Variants in TIGAR observed in about 807,000 individuals in gnomAD.
TIGAR encodes the protein TP53 induced glycolysis regulatory phosphatase, also known as fructose-2,6-bisphosphatase TIGAR.
Under a neutral mutation model 17.9 loss-of-function variants are expected in TIGAR, and 7 were observed. The observed-to-expected ratio is 0.39, with a 90% confidence interval of 0.22 to 0.73. TIGAR has a LOEUF of 0.73. Ranked by LOEUF, TIGAR falls within the 30% of genes least tolerant of loss-of-function variation. The pLI is 0.42. For missense variants in TIGAR, 258 were observed against 327.4 expected (o/e 0.79, Z 1.64); for synonymous variants, 94 against 108.6 (o/e 0.87, Z 0.84).
intron 5 of TIGAR, 33 bp from the exon 6 acceptor site, chr12:4,352,227 A>T: frequency 6.4e-7 from 1 of 1,569,660 alleles, no homozygotes; most frequent in South Asian, 1.1e-5. Flanking sequence ...CATTAATGTC[A>T]CTTTATTTTG....
rs115120802 is a variant in TIGAR, at chr12:4,326,493, T to A, written c.33-4787T>A. Among the ~76,000 whole-genome samples, 212 of 152,350 alleles carry A rather than the reference T, an allele frequency of 1.4e-3. 1 individual carries two copies. The highest frequency in any genetic ancestry group is 4.5e-3 in the African/African-American group (187 of 41,584). On this transcript the variant is annotated intron_variant, in intron 1 of 5. Transcript: ENST00000179259. ...CTATTTTTGGATTCCTACTCTTTAA[T>A]ATTTATAAAGTGATTTGAACGCAAA... is the stretch of plus-strand genomic sequence containing the variant.
rs555915029 is a variant in TIGAR at position 4,325,672 on chromosome 12, G to A, written c.32+4369G>A. Reference sequence around the variant, plus strand: ...CAGGAGAATCTCTTGAACCCGGGAGGTAGAGGTTGCAGTGAGCCCAGATTG... The same window carrying A: ...CAGGAGAATCTCTTGAACCCGGGAGATAGAGGTTGCAGTGAGCCCAGATTG... On this transcript the variant is annotated intron_variant, in intron 1 of 5. Transcript: ENST00000179259. Among the ~76,000 whole-genome samples, 8 of 150,570 alleles carry A rather than the reference G, an allele frequency of 5.3e-5. No homozygotes were observed. The East Asian group carries it at 1.6e-3, about 30-fold the overall frequency.
At chr12:4,325,799 T>C (rs561110678) in intron 1 of TIGAR, among the ~76,000 whole-genome samples, 1 of 150,848 alleles carries the variant, frequency 6.6e-6, no homozygotes, top group African/African-American at 2.4e-5. Context: ...GCTCTTGAAA[T>C]CTTCTATATT....
chr12:4,354,864 T>C lies in TIGAR; in HGVS notation c.*2173T>C, dbSNP rs1327528755. Among the ~76,000 whole-genome samples, 1 of 151,124 alleles carries C rather than the reference T, an allele frequency of 6.6e-6. No individual in the cohort carries two copies. The highest frequency in any genetic ancestry group is 1.5e-5 in the Non-Finnish European group (1 of 67,860). On this transcript the variant is annotated 3_prime_UTR_variant, in exon 6 of 6. Coordinates refer to ENST00000179259, the MANE Select transcript of TIGAR (RefSeq NM_020375.3). ...CTTGTGCCTCAGCCTCCTGAGTAGCTGGGACTACAGGCATGCACCACCACG... is the reference window on the plus strand; with the variant it reads ...CTTGTGCCTCAGCCTCCTGAGTAGCCGGGACTACAGGCATGCACCACCACG...
At chr12:4,323,369 C>G (rs975324965) in intron 1 of TIGAR, among the ~76,000 whole-genome samples, 2 of 152,152 alleles carry the variant, frequency 1.3e-5, no homozygotes, top group Non-Finnish European at 2.9e-5. Flanking sequence ...TCCTAATAGA[C>G]AATAGTCATA....
At chr12:4,336,156 C>T (rs1864655655) in intron 2 of TIGAR, among the ~76,000 whole-genome samples, 1 of 152,180 alleles carries the variant, frequency 6.6e-6, no homozygotes, top group African/African-American at 2.4e-5. Context: ...ACCTGTTAGC[C>T]TCTTTTGAGA....
chr12:4,343,920 C>CA (rs1864752013), intron 3 of TIGAR, among the ~76,000 whole-genome samples: 2 of 151,786 alleles, frequency 1.3e-5, no homozygotes, highest in South Asian at 4.2e-4. Context: ...AAAACCCTTC[C>CA]AAAAATCAAT....
At chr12:4,336,702 G>C (rs1049966493) in intron 2 of TIGAR, among the ~76,000 whole-genome samples, 1 of 152,054 alleles carries the variant, frequency 6.6e-6, no homozygotes, top group Admixed American at 6.6e-5. Context: ...TTTAGATGAT[G>C]GTCCTACCGC....
At chr12:4,330,366 C>G (rs1232250978) in intron 1 of TIGAR, among the ~76,000 whole-genome samples, 2 of 152,154 alleles carry the variant, frequency 1.3e-5, no homozygotes, top group East Asian at 3.8e-4. Flanking sequence ...GGGTGGTACA[C>G]CACACTACAG....
chr12:4,347,057 A>C (rs1864788953), intron 3 of TIGAR, among the ~76,000 whole-genome samples: 1 of 152,216 alleles, frequency 6.6e-6, no homozygotes, highest in African/African-American at 2.4e-5. Flanking sequence ...CTAGGTATGT[A>C]CCCAAAGAAA....
At chr12:4,325,762 AAGAC>A (rs1177082724) in intron 1 of TIGAR, among the ~76,000 whole-genome samples, 3 of 151,682 alleles carry the variant, frequency 2.0e-5, no homozygotes, top group Non-Finnish European at 4.4e-5. Flanking sequence ...AAAAAAAAGA[AAGAC>A]CACCAAAAGT....
Position 4,321,778 on chromosome 12 carries a change from C to G in TIGAR, c.32+475C>G, listed in dbSNP as rs1055521472. 1.3e-5 allele frequency among the ~76,000 whole-genome samples: 2 copies of G among 152,184 alleles called. No individual in the cohort carries two copies. Among genetic ancestry groups the G allele is most frequent in the Non-Finnish European group, 2.9e-5 (2 of 68,030 alleles). ...TCGTTTCCCCAGGCAGTCAGCCCCC[C>G]AGGCACATATATGAGACTTCTTTCT... On this transcript the variant is annotated intron_variant, in intron 1 of 5. Transcript: ENST00000179259. This position sits in a 1 kb window ranked among gnomAD's most constrained non-coding sequence, Gnocchi z 5.2.
At chr12:4,348,770 C>T (rs1864807504) in intron 3 of TIGAR, among the ~76,000 whole-genome samples, 1 of 152,116 alleles carries the variant, frequency 6.6e-6, no homozygotes, top group Non-Finnish European at 1.5e-5. Flanking sequence ...AAAGGCAGAT[C>T]ATGGACCTAA....
rs777599747 is a variant in TIGAR, at chr12:4,351,357, G to A, written c.361G>A (p.Gly121Arg). 30 of 1,614,012 alleles carry A rather than the reference G, an allele frequency of 1.9e-5. 1 individual carries two copies. Among genetic ancestry groups the A allele is most frequent in the Non-Finnish European group, 2.4e-5 (28 of 1,180,004 alleles). Residue 121 changes from glycine to arginine, a missense_variant, in exon 5 of 6, where the codon GGA becomes AGA. Physicochemically the swap from Gly to Arg is moderately radical, Grantham distance 125 (BLOSUM62 -2). Coordinates refer to ENST00000179259, the MANE Select transcript of TIGAR (RefSeq NM_020375.3). ...REECPVFTPP[G>R]GETLDQVKMR... The stretch of plus-strand genomic sequence containing the variant: ...AGAGTGCCCTGTGTTTACACCGCCC[G>A]GAGGAGAGACGCTGGACCAGGTATG...
At position 4,321,766 on chromosome 12, in the gene TIGAR, C is replaced by T. The variant is rs1359244273; in HGVS notation, c.32+463C>T. The stretch of plus-strand genomic sequence containing the variant: ...TGAGGTTCCCCCTCGTTTCCCCAGG[C>T]AGTCAGCCCCCCAGGCACATATATG... On this transcript the variant is annotated intron_variant, in intron 1 of 5. Transcript: ENST00000179259. This position sits in a 1 kb window ranked among gnomAD's most constrained non-coding sequence, Gnocchi z 5.2. Among the ~76,000 whole-genome samples the T allele has an allele frequency of 6.6e-6, 1 of 152,172 alleles. No homozygotes were observed. The highest frequency in any genetic ancestry group is 1.5e-5 in the Non-Finnish European group (1 of 68,028).
chr12:4,351,480 T>C lies in TIGAR; in HGVS notation c.381+103T>C, dbSNP rs574238620. 3.7e-4 allele frequency: 310 copies of C among 841,110 alleles called. 2 individuals carry two copies. In the African/African-American group the frequency reaches 4.5e-3, roughly 12 times the overall value. The allele number at this position is 841,110 out of a possible 1,614,324, so 52.1% of individuals were successfully genotyped here. Reference sequence around the variant, plus strand: ...TGAAAGTTGCTTGGTTCATTCTCTTTTCCATTTTAAATTATCTATTTACTT... The same window carrying C: ...TGAAAGTTGCTTGGTTCATTCTCTTCTCCATTTTAAATTATCTATTTACTT... On this transcript the variant is annotated intron_variant, in intron 5 of 5. Transcript: ENST00000179259.
At chr12:4,323,329 C>A (rs555171734) in intron 1 of TIGAR, among the ~76,000 whole-genome samples, 3 of 152,004 alleles carry the variant, frequency 2.0e-5, no homozygotes, top group African/African-American at 7.2e-5. Context: ...TAAGGCAACC[C>A]CTAAAAAGTA....
chr12:4,333,103 A>T (rs1037430228), intron 2 of TIGAR, among the ~76,000 whole-genome samples: 5 of 152,100 alleles, frequency 3.3e-5, no homozygotes, highest in African/African-American at 1.2e-4. Flanking sequence ...ATCCTTAGTG[A>T]GACTTTTGTC....
rs1048805426 is a variant in TIGAR, at chr12:4,331,307, A to G, written c.60A>G (p.Lys20=). Reference sequence around the variant, plus strand: ...GAGAAACAAGATTTAACAAGGAGAAAATAATCCAAGGTTGGTATAATCCGA... The same window carrying G: ...GAGAAACAAGATTTAACAAGGAGAAGATAATCCAAGGTTGGTATAATCCGA... ...RHGETRFNKE[K]IIQGQGVDEP... Residue 20 remains lysine, a synonymous_variant, in exon 2 of 6, where the codon AAA becomes AAG. Transcript: ENST00000179259. The G allele has an allele frequency of 6.2e-7, 1 of 1,610,148 alleles. No homozygotes were observed. Among genetic ancestry groups the G allele is most frequent in the African/African-American group, 1.3e-5 (1 of 74,836 alleles).
Sources: gnomAD v4.1 joint callset for allele counts (sites outside exome capture counted in the v4.1 genomes callset) on GRCh38, gnomAD v4.1.1 for gene constraint, Gnocchi (gnomAD v3.1) non-coding constraint, MANE v1.5 for transcripts, NCBI Gene and HGNC (gene_info 2026-07-23, HGNC 2026-07-21) for gene names.